Variants in ZEB1 observed in about 807,000 individuals in gnomAD.
ZEB1 encodes zinc finger E-box binding homeobox 1.
In ZEB1, 21 loss-of-function variants were observed where a neutral mutation model predicts 84.9. The observed-to-expected ratio is 0.25, with a 90% CI of 0.18 to 0.36. ZEB1 has a LOEUF of 0.36. ZEB1 is among the 10% of genes least tolerant of loss of function. ZEB1 has a pLI of 1.00. For synonymous variants in ZEB1, 420 were observed against 471.1 expected, an observed-to-expected ratio of 0.89 and a Z score of 1.41; for missense variants, 1,104 against 1,330.2, an observed-to-expected ratio of 0.83 and a Z score of 2.65.
At chr10:31,421,108 A>G (rs1375347803) in intron 1 of ZEB1, among the ~76,000 whole-genome samples, 2 of 152,102 alleles carry the variant, frequency 1.3e-5, no homozygotes, top group African/African-American at 4.8e-5. Flanking sequence ...ATTTAGGGAG[A>G]AGCCTAGGGG....
Position 31,501,332 on chromosome 10 carries a change from G to A in ZEB1, c.323-1016G>A, listed in dbSNP as rs528942265. Among the ~76,000 whole-genome samples the A allele has an allele frequency of 3.9e-5, 6 of 152,304 alleles. No homozygotes were observed. The South Asian group carries it at 1.2e-3, about 32-fold the overall frequency. On this transcript the variant is annotated intron_variant, in intron 3 of 8. Transcript: ENST00000424869. Reference sequence around the variant, plus strand: ...TAATGCTTTAGAAACTTGGCAGCACGCTGGGCTACCTTCTCAAAGCATAAG... The same window carrying A: ...TAATGCTTTAGAAACTTGGCAGCACACTGGGCTACCTTCTCAAAGCATAAG...
intron 1 of ZEB1, among the ~76,000 whole-genome samples, chr10:31,324,391 TATC>T (rs1449040814): frequency 2.0e-5 from 3 of 152,082 alleles, no homozygotes; most frequent in African/African-American, 7.2e-5. Flanking sequence ...TCTTTTGCTT[TATC>T]CTCTTGTGGA....
upstream of ZEB1, chr10:31,318,740 C>T (rs907120886): frequency 1.8e-5 from 3 of 171,348 alleles, no homozygotes; most frequent in Admixed American, 6.0e-5. Context: ...AGCCCTGCCT[C>T]CAGGAAGCAG....
intron 1 of ZEB1, among the ~76,000 whole-genome samples, chr10:31,409,909 G>A (rs1173048916): frequency 6.6e-6 from 1 of 152,178 alleles, no homozygotes; most frequent in Non-Finnish European, 1.5e-5. Context: ...GAGATTTGGG[G>A]CTGAGACAAT....
At chr10:31,418,403 AC>A (rs1343070922) in intron 1 of ZEB1, among the ~76,000 whole-genome samples, 1 of 152,086 alleles carries the variant, frequency 6.6e-6, no homozygotes, top group Non-Finnish European at 1.5e-5. Flanking sequence ...GGATATAGGC[AC>A]AGTCTTTGAG....
chr10:31,525,683 T>C (rs1484936419), intron 8 of ZEB1, among the ~76,000 whole-genome samples: 1 of 152,220 alleles, frequency 6.6e-6, no homozygotes, highest in African/African-American at 2.4e-5. Context: ...TTTACTCTTG[T>C]GAGAAAAGAT....
At chr10:31,407,463 T>C (rs1317590714) in intron 1 of ZEB1, among the ~76,000 whole-genome samples, 3 of 152,008 alleles carry the variant, frequency 2.0e-5, no homozygotes, top group African/African-American at 7.3e-5. Context: ...CCATGGTGTA[T>C]ATGTGCCACA....
chr10:31,444,025 A>G (rs904173471), intron 1 of ZEB1, among the ~76,000 whole-genome samples: 5 of 150,138 alleles, frequency 3.3e-5, no homozygotes, highest in East Asian at 2.0e-4. Context: ...TTACAGTCCC[A>G]CCAACAGTGT....
intron 1 of ZEB1, among the ~76,000 whole-genome samples, chr10:31,421,312 T>C (rs560588186): frequency 1.3e-5 from 2 of 152,256 alleles, no homozygotes; most frequent in Non-Finnish European, 1.5e-5. Flanking sequence ...TTGTGACTTA[T>C]GAGAGGGGCT....
chr10:31,332,525 G>A (rs150894615), intron 1 of ZEB1, among the ~76,000 whole-genome samples: 17 of 152,140 alleles, frequency 1.1e-4, no homozygotes, highest in Non-Finnish European at 1.9e-4. Flanking sequence ...ACATGTTATT[G>A]TACTTTGATA....
chr10:31,341,684 G>GA (rs529288681), intron 1 of ZEB1, among the ~76,000 whole-genome samples: 1 of 151,720 alleles, frequency 6.6e-6, no homozygotes, highest in Non-Finnish European at 1.5e-5. Context: ...GGGCTGAAGA[G>GA]AAAAAAAGGT....
In ZEB1 at chr10:31,408,721, T is replaced by G. The variant is rs1196802374; in HGVS notation, c.59-52316T>G. Among the ~76,000 whole-genome samples, 3 of 145,432 alleles carry G rather than the reference T, an allele frequency of 2.1e-5. No homozygotes were observed. The East Asian group carries it at 5.9e-4, about 29-fold the overall frequency. On this transcript the variant is annotated intron_variant, in intron 1 of 8. Transcript: ENST00000424869. ...AGAAAGCTGAAACTGGATCCCTTCC[T>G]TACACCTTATACAAAAATCAATTCA...
chr10:31,352,193 G>A (rs1459378454), intron 1 of ZEB1, among the ~76,000 whole-genome samples: 1 of 152,020 alleles, frequency 6.6e-6, no homozygotes, highest in African/African-American at 2.4e-5. Flanking sequence ...GTTTCACTCA[G>A]TATTAAATTT....
intron 1 of ZEB1, among the ~76,000 whole-genome samples, chr10:31,417,586 G>A (rs960423424): frequency 6.6e-6 from 1 of 152,072 alleles, no homozygotes; most frequent in African/African-American, 2.4e-5. Context: ...TATATAAGGT[G>A]TTCTACTTAG....
intron 6 of ZEB1, among the ~76,000 whole-genome samples, chr10:31,517,734 TAA>T (rs949171490): frequency 1.2e-4 from 18 of 152,282 alleles, no homozygotes; most frequent in Middle Eastern, 6.8e-3. Flanking sequence ...CTGGCAATGA[TAA>T]AATATCAAGA....
At chr10:31,380,320 G>T (rs1412550371) in intron 1 of ZEB1, among the ~76,000 whole-genome samples, 2 of 152,134 alleles carry the variant, frequency 1.3e-5, no homozygotes, top group African/African-American at 4.8e-5. Flanking sequence ...CTAAAAGTTG[G>T]CTTGAAAGAC....
At chr10:31,515,978 A>G (rs1326724272) in intron 6 of ZEB1, among the ~76,000 whole-genome samples, 1 of 152,106 alleles carries the variant, frequency 6.6e-6, no homozygotes, top group Non-Finnish European at 1.5e-5. Flanking sequence ...TAAAGCTAAC[A>G]GTAAGATTCA....
At chr10:31,486,925 A>AC (rs2065836976) in intron 2 of ZEB1, among the ~76,000 whole-genome samples, 1 of 151,090 alleles carries the variant, frequency 6.6e-6, no homozygotes, top group Non-Finnish European at 1.5e-5. Context: ...TTGTATTTTG[A>AC]CCTAATTTTT....
At chr10:31,342,298 G>A (rs549265262) in intron 1 of ZEB1, among the ~76,000 whole-genome samples, 1 of 152,272 alleles carries the variant, frequency 6.6e-6, no homozygotes, top group Admixed American at 6.5e-5. Flanking sequence ...ATTTTTAGTG[G>A]TAGAGCCAGT....
Sources: gnomAD v4.1 joint callset for allele counts (sites outside exome capture counted in the v4.1 genomes callset) on GRCh38, gnomAD v4.1.1 for gene constraint, MANE v1.5 for transcripts, NCBI Gene and HGNC (gene_info 2026-07-23, HGNC 2026-07-21) for gene names.